CYP2C18: variants seen among roughly 807,000 people sequenced by gnomAD.
CYP2C18 encodes the protein cytochrome P450 2C18.
Under a neutral mutation model 41.3 loss-of-function variants are expected in CYP2C18, and 38 were observed. The ratio of observed to expected loss-of-function variants is 0.92; its 90% CI spans 0.71 to 1.21. The LOEUF (loss-of-function observed/expected upper bound fraction) is 1.21, where lower values mean the gene tolerates loss of function less well. Ranked by LOEUF, CYP2C18 falls within the 50% of genes most tolerant of loss-of-function variation. CYP2C18 has a pLI of 0.00. For missense variants in CYP2C18, 635 were observed against 591.4 expected (o/e 1.07, Z -0.77); for synonymous variants, 236 against 210.0 (o/e 1.12, Z -1.07).
Position 94,733,320 on chromosome 10 carries a change from G to A in CYP2C18, c.1173G>A (p.Leu391=), listed in dbSNP as rs1847865634. Residue 391 remains leucine (L), a synonymous_variant, in exon 8 of 9, where the codon CTG becomes CTA. Transcript: ENST00000285979. ...IPKGTTIITS[L]TSVLHNDKEF... is the part of the protein sequence containing the mutation. ...AGGGCACGACCATAATAACATCCCT[G>A]ACTTCTGTGCTGCACAATGACAAAG... The A allele has an allele frequency of 6.2e-7, 1 of 1,612,822 alleles. No homozygotes were observed. Among genetic ancestry groups the A allele is most frequent in the African/African-American group, 1.3e-5 (1 of 74,838 alleles).
intron 8 of CYP2C18, among the ~76,000 whole-genome samples, chr10:94,734,558 G>A (rs1180522527): frequency 6.6e-6 from 1 of 152,198 alleles, no homozygotes; most frequent in Non-Finnish European, 1.5e-5. Flanking sequence ...ATGACATGGG[G>A]CATAGCTTCT....
Position 94,687,897 on chromosome 10 carries a change from G to C in CYP2C18, c.296G>C (p.Ser99Thr). The change falls in exon 2 of 9, where the codon AGT becomes ACT. Residue 99 changes from serine to threonine, a missense_variant. Coordinates refer to ENST00000285979, the MANE Select transcript of CYP2C18 (RefSeq NM_000772.3). Reference sequence around the variant, plus strand: ...GGAGAGGAGTTTTCTGGAAGAGGAAGTTTTCCAGTGGCTGAAAAAGTTAAC... The same window carrying C: ...GGAGAGGAGTTTTCTGGAAGAGGAACTTTTCCAGTGGCTGAAAAAGTTAAC... Reference protein sequence around the residue: ...DHGEEFSGRGSFPVAEKVNKG... With the variant: ...DHGEEFSGRGTFPVAEKVNKG... 6 of 1,613,810 alleles carry C rather than the reference G, an allele frequency of 3.7e-6. No individual in the cohort carries two copies.
chr10:94,733,967 G>C (rs1260653185), intron 8 of CYP2C18, among the ~76,000 whole-genome samples: 1 of 151,990 alleles, frequency 6.6e-6, no homozygotes, highest in Non-Finnish European at 1.5e-5. Context: ...GCAGGATGTT[G>C]GGGAGCTCAG....
At chr10:94,701,876 G>C (rs534956595) in intron 4 of CYP2C18, among the ~76,000 whole-genome samples, 1 of 152,118 alleles carries the variant, frequency 6.6e-6, no homozygotes, top group Admixed American at 6.5e-5. Flanking sequence ...AGCTTAGAGA[G>C]TGTCTTCCTC....
At chr10:94,725,723 T>C (rs1847728797) in intron 7 of CYP2C18, among the ~76,000 whole-genome samples, 1 of 152,134 alleles carries the variant, frequency 6.6e-6, no homozygotes, top group South Asian at 2.1e-4. Flanking sequence ...TATGGCCATA[T>C]ATTTTGTCCT....
At chr10:94,704,205 T>A (rs973149395) in intron 4 of CYP2C18, among the ~76,000 whole-genome samples, 2 of 152,120 alleles carry the variant, frequency 1.3e-5, no homozygotes, top group Non-Finnish European at 2.9e-5. Context: ...AGTCCAGAAC[T>A]TTGTATGTAC....
At chr10:94,711,291 G>C (rs1847431425) in intron 5 of CYP2C18, among the ~76,000 whole-genome samples, 1 of 151,920 alleles carries the variant, frequency 6.6e-6, no homozygotes, top group Non-Finnish European at 1.5e-5. Flanking sequence ...AATAATGGCT[G>C]GCCCCATCTT....
chr10:94,695,329 TC>T (rs1288923153), intron 4 of CYP2C18, among the ~76,000 whole-genome samples: 6 of 152,128 alleles, frequency 3.9e-5, no homozygotes, highest in Middle Eastern at 3.4e-3. Context: ...TGTGTGATGT[TC>T]CCCTCCCTGT....
intron 5 of CYP2C18, among the ~76,000 whole-genome samples, chr10:94,713,229 T>C (rs1268847329): frequency 6.6e-6 from 1 of 152,116 alleles, no homozygotes; most frequent in Non-Finnish European, 1.5e-5. Flanking sequence ...ATGTGCACAA[T>C]GTGCAGGTTT....
At chr10:94,700,614 T>A (rs1176177592) in intron 4 of CYP2C18, among the ~76,000 whole-genome samples, 3 of 152,120 alleles carry the variant, frequency 2.0e-5, no homozygotes, top group Admixed American at 6.5e-5. Flanking sequence ...AAAAGCCAAA[T>A]TTGACAAATG....
At chr10:94,705,931 A>C (rs538062634) in intron 4 of CYP2C18, among the ~76,000 whole-genome samples, 8 of 152,298 alleles carry the variant, frequency 5.3e-5, no homozygotes, top group Non-Finnish European at 7.3e-5. Context: ...GCCCAAAAGC[A>C]CACACTCAAT....
Position 94,733,456 on chromosome 10 carries a change from C to T in CYP2C18, c.1291+18C>T, listed in dbSNP as rs372031069. The stretch of plus-strand genomic sequence containing the variant: ...CTCAGCAGGTAATAGATATTCATTT[C>T]CATCTGTCCTTCAGGGCACATGATA... On this transcript the variant is annotated intron_variant, in intron 8 of 8. Transcript: ENST00000285979. 3 of 1,612,496 alleles carry T rather than the reference C, an allele frequency of 1.9e-6. No individual in the cohort carries two copies. Among genetic ancestry groups the T allele is most frequent in the East Asian group, 2.2e-5 (1 of 44,814 alleles).
chr10:94,686,109 C>T (rs2134172994), intron 1 of CYP2C18, among the ~76,000 whole-genome samples: 1 of 152,070 alleles, frequency 6.6e-6, no homozygotes, highest in South Asian at 2.1e-4. Context: ...TCTTTCTCTT[C>T]CTTGATTAAA....
chr10:94,706,994 T>C, intron 5 of CYP2C18, 34 bp downstream of exon 5: 1 of 1,578,458 alleles, frequency 6.3e-7, no homozygotes, highest in Non-Finnish European at 8.6e-7. Context: ...CATCTTGTGG[T>C]TCATTGATTA....
intron 3 of CYP2C18, among the ~76,000 whole-genome samples, chr10:94,690,348 C>T (rs1272890720): frequency 6.6e-6 from 1 of 152,044 alleles, no homozygotes; most frequent in African/African-American, 2.4e-5. Flanking sequence ...GATGTGTGTT[C>T]CCATTCAAAT....
At chr10:94,713,312 T>C (rs1380376429) in intron 5 of CYP2C18, among the ~76,000 whole-genome samples, 4 of 152,030 alleles carry the variant, frequency 2.6e-5, no homozygotes, top group South Asian at 2.1e-4. Flanking sequence ...GGTATATCTC[T>C]TAATGCTATC....
intron 7 of CYP2C18, among the ~76,000 whole-genome samples, chr10:94,730,260 T>C (rs1469455854): frequency 6.6e-6 from 1 of 152,178 alleles, no homozygotes; most frequent in Non-Finnish European, 1.5e-5. Context: ...ATATACAAGA[T>C]ATTATGTAAG....
chr10:94,702,551 A>G (rs1025713475), intron 4 of CYP2C18, among the ~76,000 whole-genome samples: 1 of 151,718 alleles, frequency 6.6e-6, no homozygotes. Flanking sequence ...TGTATGCTTC[A>G]TGAAGTTCTT....
chr10:94,719,876 G>A (rs1050321586), intron 5 of CYP2C18, among the ~76,000 whole-genome samples: 1 of 151,582 alleles, frequency 6.6e-6, no homozygotes, highest in Non-Finnish European at 1.5e-5. Flanking sequence ...GCCTGGCCAA[G>A]TTTTTGATTT....
Sources: allele counts gnomAD v4.1 joint callset (sites outside exome capture counted in the v4.1 genomes callset), GRCh38; gene constraint gnomAD v4.1.1; transcripts MANE v1.5; gene names NCBI Gene and HGNC (gene_info 2026-07-23, HGNC 2026-07-21).